Variants in PRSS36 observed in about 807,000 individuals in gnomAD.
PRSS36 encodes serine protease 36.
In PRSS36, 90 loss-of-function variants were observed where a neutral mutation model predicts 94.3. The ratio of observed to expected loss-of-function variants is 0.95; its 90% CI spans 0.80 to 1.14. PRSS36 has a LOEUF of 1.14. Among genes scored for constraint, PRSS36 ranks in the 50% most tolerant of loss-of-function variants. PRSS36 has a pLI of 0.00. For synonymous variants in PRSS36, 500 were observed against 489.6 expected (o/e 1.02, Z -0.28); for missense variants, 1,158 against 1,135.0 (o/e 1.02, Z -0.29).
At chr16:31,148,963 TG>T in intron 4 of PRSS36, 109 bp downstream of exon 4, 1 of 1,249,302 alleles carries the variant, frequency 8.0e-7, no homozygotes, top group Non-Finnish European at 1.1e-6. Context: ...GGGGACAGCT[TG>T]GCTCCAAATT....
In PRSS36 at chr16:31,140,607, C is replaced by T; in HGVS notation, c.2052G>A (p.Glu684=). The change falls in exon 13 of 15, where the codon GAG becomes GAA. Residue 684 remains glutamate (E), a synonymous_variant. Coordinates refer to ENST00000268281, the MANE Select transcript of PRSS36 (RefSeq NM_173502.5). Reference sequence around the variant, plus strand: ...GGGAGGGCTCCACCCGGGAGCTCAGCTCCAGGAGGGCCAGGGGGGGCCTGA... The same window carrying T: ...GGGAGGGCTCCACCCGGGAGCTCAGTTCCAGGAGGGCCAGGGGGGGCCTGA... ...LGLRPPLALL[E]LSSRVEPSPS... The T allele has an allele frequency of 6.2e-7, 1 of 1,610,692 alleles. No homozygotes were observed. Among genetic ancestry groups the T allele is most frequent in the Non-Finnish European group, 8.5e-7 (1 of 1,178,292 alleles).
intron 6 of PRSS36, 111 bp from the exon 7 acceptor site, chr16:31,143,948 C>T: frequency 7.2e-6 from 10 of 1,388,382 alleles, no homozygotes; most frequent in Non-Finnish European, 9.8e-6. Flanking sequence ...CCTAGAAACC[C>T]TCCTTGGCTA....
rs2057672757 is a variant in PRSS36 at position 31,140,697 on chromosome 16, GGA to G, written c.1960_1961del (p.Ser654ProfsTer84). On this transcript the variant is annotated frameshift_variant, in exon 13 of 15. Transcript: ENST00000268281. LOFTEE classifies it high-confidence loss of function. ...GGGATACCTGGTGGCCCTGTGGGAG[GGA>G]GCTGGCCCCTGCCCGGCCCAGATAC... ...EVYLGRAGAS[S>X]LPQGHQVSRL... 1 of 1,613,996 alleles carries G rather than the reference GGA, an allele frequency of 6.2e-7. No homozygotes were observed. The highest frequency in any genetic ancestry group is 1.3e-5 in the African/African-American group (1 of 74,910).
At chr16:31,148,100 G>T (rs552151463) in intron 5 of PRSS36, among the ~76,000 whole-genome samples, 1 of 152,240 alleles carries the variant, frequency 6.6e-6, no homozygotes, top group Admixed American at 6.5e-5. Flanking sequence ...TGTTAGAGCT[G>T]GGATGGGAAC....
At position 31,138,994 on chromosome 16, in the gene PRSS36, G is replaced by C; in HGVS notation, c.*144C>G. 1 of 913,658 alleles carries C rather than the reference G, an allele frequency of 1.1e-6. No homozygotes were observed. Among genetic ancestry groups the C allele is most frequent in the Non-Finnish European group, 1.6e-6 (1 of 611,256 alleles). 56.6% of individuals were successfully genotyped at this position (913,658 alleles called of 1,614,324 possible). A position where few individuals can be genotyped will look rare whatever the true frequency, so the allele number is the denominator to read the frequency against. Reference sequence around the variant, plus strand: ...GGATTCCTGGGTTCAAAATAGCCCGGGCACTGAGGCCCAATTAGCCAGAGC... The same window carrying C: ...GGATTCCTGGGTTCAAAATAGCCCGCGCACTGAGGCCCAATTAGCCAGAGC... On this transcript the variant is annotated 3_prime_UTR_variant, in exon 15 of 15. Transcript: ENST00000268281.
In PRSS36 at chr16:31,149,318, C is replaced by T. The variant is rs1163607365; in HGVS notation, c.110-83G>A. ...CAGGTAACTCAGGACGAAGGCCCGT[C>T]CTCCACCCACTTCAGTTTGCCCCTC... On this transcript the variant is annotated intron_variant, in intron 3 of 14. Transcript: ENST00000268281. 4 of 1,509,076 alleles carry T rather than the reference C, an allele frequency of 2.7e-6. No individual in the cohort carries two copies. The Admixed American group carries it at 6.2e-5, about 23-fold the overall frequency. The allele number at this position is 1,509,076 out of a possible 1,614,324, so 93.5% of individuals were successfully genotyped here.
At position 31,140,582 on chromosome 16, in the gene PRSS36, G is replaced by T. The variant is rs745685358; in HGVS notation, c.2077C>A (p.Pro693Thr). 17 of 1,604,226 alleles carry T rather than the reference G, an allele frequency of 1.1e-5. No homozygotes were observed. The Admixed American group carries it at 2.7e-4, about 26-fold the overall frequency. The change falls in exon 13 of 15, where the codon CCA (proline) becomes ACA (threonine). Residue 693 changes from proline to threonine, a missense_variant. Physicochemically the swap from Pro to Thr is conservative, Grantham distance 38 (BLOSUM62 -1). Coordinates refer to ENST00000268281, the MANE Select transcript of PRSS36 (RefSeq NM_173502.5). ...LELSSRVEPS[P>T]SALPICLHPA... ...TGGAGACAGATGGGCAGGGCTGATG[G>T]GGAGGGCTCCACCCGGGAGCTCAGC... is the stretch of plus-strand genomic sequence containing the variant.
At position 31,140,714 on chromosome 16, in the gene PRSS36, G is replaced by T. The variant is rs750415349; in HGVS notation, c.1945C>A (p.Arg649=). The T allele has an allele frequency of 2.5e-6, 4 of 1,613,940 alleles. No individual in the cohort carries two copies. In the African/African-American group the frequency reaches 5.3e-5, roughly 22 times the overall value. ...TGTGGGAGGGAGCTGGCCCCTGCCC[G>T]GCCCAGATACACTTCAATGTAAGGC... ...TVPYIEVYLG[R]AGASSLPQGH... The change falls in exon 13 of 15, where the codon CGG becomes AGG. Residue 649 remains arginine (R), a synonymous_variant. Transcript: ENST00000268281.
Position 31,139,376 on chromosome 16 carries a change from C to G in PRSS36, c.2330G>C (p.Gly777Ala), listed in dbSNP as rs1297160848. 5.6e-6 allele frequency: 9 copies of G among 1,614,040 alleles called. No individual in the cohort carries two copies. Among genetic ancestry groups the G allele is most frequent in the Non-Finnish European group, 6.8e-6 (8 of 1,180,028 alleles). Residue 777 changes from glycine to alanine, a missense_variant, in exon 15 of 15, where the codon GGG becomes GCG. Gly to Ala is a moderately conservative substitution (Grantham distance 60, BLOSUM62 0). Transcript: ENST00000268281. Reference protein sequence around the residue: ...APPLLCQMTEGSWILVGMAVQ... With the variant: ...APPLLCQMTEASWILVGMAVQ... The stretch of plus-strand genomic sequence containing the variant: ...AGCCATGCCCACGAGGATCCAGGAC[C>G]CTTCCGTCATCTGGCACAGGAGGGG...
In PRSS36 at chr16:31,139,495, C is replaced by T. The variant is rs971023108; in HGVS notation, c.2290-79G>A. The T allele has an allele frequency of 4.4e-5, 67 of 1,517,646 alleles. 3 individuals are homozygous for T. The South Asian group carries it at 6.2e-4, about 14-fold the overall frequency. The allele number at this position is 1,517,646 out of a possible 1,614,324, so 94.0% of individuals were successfully genotyped here. ...TCCCCCTTTCCCCAGGGTCTGGCCACGAAGCACTCTGGTCTGCATCCCTAG... is the reference window on the plus strand; with the variant it reads ...TCCCCCTTTCCCCAGGGTCTGGCCATGAAGCACTCTGGTCTGCATCCCTAG... On this transcript the variant is annotated intron_variant, in intron 14 of 14. Transcript: ENST00000268281.
rs1266422018 is a variant in PRSS36 at position 31,142,465 on chromosome 16, C to T, written c.1521+16G>A. On this transcript the variant is annotated intron_variant, in intron 10 of 14. Coordinates refer to ENST00000268281, the MANE Select transcript of PRSS36 (RefSeq NM_173502.5). ...TCTCGGGCCCGCGTTCCGCGGGCCC[C>T]GCCCCCGCCGCTTACCCAGCAGCTG... is the stretch of plus-strand genomic sequence containing the variant. 5 of 1,441,604 alleles carry T rather than the reference C, an allele frequency of 3.5e-6. No individual in the cohort carries two copies. The highest frequency in any genetic ancestry group is 3.6e-6 in the Non-Finnish European group (4 of 1,099,456). 89.3% of individuals were successfully genotyped at this position (1,441,604 alleles called of 1,614,324 possible).
chr16:31,149,647 G>A (rs1236953200), intron 2 of PRSS36, 49 bp downstream of exon 2: 1 of 1,612,760 alleles, frequency 6.2e-7, no homozygotes, highest in Non-Finnish European at 8.5e-7. Context: ...CCAGTCCTCT[G>A]GTCTTTTCTG....
In PRSS36 at chr16:31,143,744, G is replaced by C. The variant is rs753254141; in HGVS notation, c.814C>G (p.Arg272Gly). The C allele has an allele frequency of 6.2e-7, 1 of 1,614,128 alleles. No individual in the cohort carries two copies. Among genetic ancestry groups the C allele is most frequent in the South Asian group, 1.1e-5 (1 of 91,082 alleles). ...GCCACAGCAGTGAAAACTCCAGGGC[G>C]GTTTCTCCGTCCACAGCCAAAGCCA... ...SFGFGCGRRN[R>G]PGVFTAVATY... Residue 272 changes from arginine to glycine, a missense_variant, in exon 7 of 15, where the codon CGC becomes GGC. Transcript: ENST00000268281.
chr16:31,149,578 AC>A lies in PRSS36; in HGVS notation c.74-81del, dbSNP rs534007404. The A allele has an allele frequency of 4.5e-4, 726 of 1,604,380 alleles. 13 individuals carry two copies. The South Asian group carries it at 6.7e-3, about 15-fold the overall frequency. The stretch of plus-strand genomic sequence containing the variant: ...GCCCAGCCCCACTTCCTGCTCTCCA[AC>A]CCCCGACCCTATCTTCCCACTTCCC... On this transcript the variant is annotated intron_variant, in intron 2 of 14. Transcript: ENST00000268281.
chr16:31,149,449 G>A lies in PRSS36; in HGVS notation c.109+14C>T. ...CTCCTTTAAGGTCTGAGGGTGCCAA[G>A]GCCTCTTCCTTACCCAGATCTTCAG... On this transcript the variant is annotated intron_variant, in intron 3 of 14. Transcript: ENST00000268281. 5 of 1,614,052 alleles carry A rather than the reference G, an allele frequency of 3.1e-6. No individual in the cohort carries two copies. Among genetic ancestry groups the A allele is most frequent in the Non-Finnish European group, 4.2e-6 (5 of 1,179,946 alleles).
intron 14 of PRSS36, 90 bp downstream of exon 14, chr16:31,140,204 A>G: frequency 7.0e-7 from 1 of 1,425,958 alleles, no homozygotes. Context: ...AAAAAAAAAA[A>G]AAAAAATTCC....
chr16:31,148,719 A>G (rs1330158159), intron 4 of PRSS36, 44 bp from the exon 5 acceptor site: 12 of 1,605,672 alleles, frequency 7.5e-6, no homozygotes, highest in East Asian at 4.5e-5. Context: ...GACCCTATGG[A>G]GGGGGCAGAC....
intron 3 of PRSS36, 96 bp downstream of exon 3, chr16:31,149,367 A>G: frequency 6.4e-7 from 1 of 1,558,936 alleles, no homozygotes; most frequent in Non-Finnish European, 8.8e-7. Flanking sequence ...TAGAGGACCC[A>G]GGCTTGTCTA....
rs2057689071 is a variant in PRSS36, at chr16:31,141,509, C to G, written c.1861G>C (p.Ala621Pro). Reference protein sequence around the residue: ...GDRVCTGILLAPGWVLAATHC... With the variant: ...GDRVCTGILLPPGWVLAATHC... ...GTGGCTGCCAGGACCCAGCCTGGGG[C>G]CAGGAGGATCCCAGTGCAGACTCGA... Residue 621 changes from alanine (A) to proline (P), a missense_variant, in exon 12 of 15, where the codon GCC becomes CCC. Physicochemically the swap from Ala to Pro is conservative, Grantham distance 27 (BLOSUM62 -1). Coordinates refer to ENST00000268281, the MANE Select transcript of PRSS36 (RefSeq NM_173502.5). 6.2e-7 allele frequency: 1 copy of G among 1,612,880 alleles called. No homozygotes were observed. Among genetic ancestry groups the G allele is most frequent in the Admixed American group, 1.7e-5 (1 of 59,992 alleles).
Sources: gnomAD v4.1 joint callset for allele counts (sites outside exome capture counted in the v4.1 genomes callset) on GRCh38, gnomAD v4.1.1 for gene constraint, MANE v1.5 for transcripts, NCBI Gene and HGNC (gene_info 2026-07-23, HGNC 2026-07-21) for gene names.